The following ROCK1 variants were observed in gnomAD, a reference collection of about 807,000 sequenced individuals.
The protein encoded by ROCK1 is rho-associated protein kinase 1.
Under a neutral mutation model 196.8 loss-of-function variants are expected in ROCK1, and 36 were observed. The ratio of observed to expected loss-of-function variants is 0.18; its 90% CI spans 0.14 to 0.24. The LOEUF is 0.24. ROCK1 is among the 10% of genes least tolerant of loss of function. The probability of loss-of-function intolerance (pLI) is 1.00; values close to 1 mark genes in which losing one functional copy is unlikely to be tolerated. For missense variants in ROCK1, 920 were observed against 1,562.0 expected, an observed-to-expected ratio of 0.59 and a Z score of 6.93; for synonymous variants, 443 against 515.9, an observed-to-expected ratio of 0.86 and a Z score of 1.91.
At chr18:21,086,272 T>G (rs1323481547) in intron 1 of ROCK1, among the ~76,000 whole-genome samples, 4 of 151,924 alleles carry the variant, frequency 2.6e-5, no homozygotes, top group Non-Finnish European at 4.4e-5. Context: ...CCACCACACC[T>G]GGCTAATTTT....
intron 1 of ROCK1, among the ~76,000 whole-genome samples, chr18:21,089,214 C>T (rs560062234): frequency 5.7e-4 from 86 of 152,148 alleles, no homozygotes; most frequent in African/African-American, 2.0e-3. Flanking sequence ...CACGCCACCA[C>T]ATTCGGCTAA....
chr18:20,993,126 T>C (rs1201815154), intron 16 of ROCK1, among the ~76,000 whole-genome samples, 189 bp from the exon 17 acceptor site: 1 of 152,252 alleles, frequency 6.6e-6, no homozygotes, highest in Non-Finnish European at 1.5e-5. Flanking sequence ...TTGGATATAA[T>C]CTAGTGCATA....
intron 16 of ROCK1, among the ~76,000 whole-genome samples, chr18:21,002,519 CCTGA>C (rs1314715054): frequency 1.3e-5 from 2 of 152,050 alleles, no homozygotes; most frequent in Non-Finnish European, 2.9e-5. Flanking sequence ...AAGTATTTAA[CCTGA>C]CTTTCTTTTA....
At chr18:20,979,856 C>T (rs1426592320) in intron 22 of ROCK1, 54 bp downstream of exon 22, 1 of 1,488,568 alleles carries the variant, frequency 6.7e-7, no homozygotes, top group East Asian at 2.6e-5. Context: ...TAACTTAAAA[C>T]TTAAGAATGC....
At chr18:20,957,140 T>C (rs2035249989) in intron 29 of ROCK1, among the ~76,000 whole-genome samples, 1 of 152,210 alleles carries the variant, frequency 6.6e-6, no homozygotes, top group Non-Finnish European at 1.5e-5. Flanking sequence ...ATCTACTTTA[T>C]AACCCAGGAT....
At chr18:21,013,578 G>A (rs1322076551) in intron 13 of ROCK1, among the ~76,000 whole-genome samples, 1 of 152,226 alleles carries the variant, frequency 6.6e-6, no homozygotes, top group South Asian at 2.1e-4. Context: ...AGCTGGAAGT[G>A]TAAGTGTAGA....
rs1364493163 is a variant in ROCK1 at position 20,960,222 on chromosome 18, T to A, written c.3353-16A>T. On this transcript the variant is annotated splice_polypyrimidine_tract_variant and intron_variant, in intron 27 of 32. Transcript: ENST00000399799. ...ATTCTTGACTCTAGGAGAAAAAGAATATATGTATTAGTCAGTCTTAAATTG... is the reference window on the plus strand; with the variant it reads ...ATTCTTGACTCTAGGAGAAAAAGAAAATATGTATTAGTCAGTCTTAAATTG... The A allele has an allele frequency of 1.4e-6, 2 of 1,418,264 alleles. No homozygotes were observed. Among genetic ancestry groups the A allele is most frequent in the Non-Finnish European group, 2.0e-6 (2 of 1,001,836 alleles). 87.9% of individuals were successfully genotyped at this position (1,418,264 alleles called of 1,614,324 possible). A position where few individuals can be genotyped will look rare whatever the true frequency, so the allele number is the denominator to read the frequency against.
At position 20,959,875 on chromosome 18, in the gene ROCK1, C is replaced by T. The variant is rs941336344; in HGVS notation, c.3477G>A (p.Lys1159=). Reference sequence around the variant, plus strand: ...ATACCATAGATGGATTGGATTGCTCCTTATCTTGTTCGTCATTATAGAACA... The same window carrying T: ...ATACCATAGATGGATTGGATTGCTCTTTATCTTGTTCGTCATTATAGAACA... ...KILFYNDEQD[K]EQSNPSMVLD... Residue 1159 remains lysine (K), a synonymous_variant, in exon 29 of 33, where the codon AAG becomes AAA. Coordinates refer to ENST00000399799, the MANE Select transcript of ROCK1 (RefSeq NM_005406.3). 4 of 1,611,540 alleles carry T rather than the reference C, an allele frequency of 2.5e-6. No individual in the cohort carries two copies. Among genetic ancestry groups the T allele is most frequent in the Admixed American group, 3.3e-5 (2 of 59,786 alleles).
At chr18:20,993,053 A>C (rs1330254184) in intron 16 of ROCK1, 116 bp from the exon 17 acceptor site, 1 of 596,212 alleles carries the variant, frequency 1.7e-6, no homozygotes, top group Non-Finnish European at 2.9e-6. Context: ...TCCTGATCCG[A>C]TAAGATTTTA....
In ROCK1 at chr18:21,019,503, C is replaced by T. The variant is rs190966128; in HGVS notation, c.1361+648G>A. Among the ~76,000 whole-genome samples the T allele has an allele frequency of 8.5e-5, 13 of 152,132 alleles. No homozygotes were observed. The East Asian group carries it at 2.5e-3, about 29-fold the overall frequency. On this transcript the variant is annotated intron_variant, in intron 12 of 32. Coordinates refer to ENST00000399799, the MANE Select transcript of ROCK1 (RefSeq NM_005406.3). ...TTAGCATTACAGTTTTTTAAGAATA[C>T]AGACTGTTGGCCGGGTGCGGTGGCT...
intron 1 of ROCK1, among the ~76,000 whole-genome samples, chr18:21,096,293 C>CG (rs1190415319): frequency 6.6e-6 from 1 of 152,084 alleles, no homozygotes; most frequent in Admixed American, 6.5e-5. Flanking sequence ...TCTGCCCCCC[C>CG]GGGTTCAAGC....
chr18:21,049,896 A>T lies in ROCK1; in HGVS notation c.176-16T>A. 1 of 1,445,648 alleles carries T rather than the reference A, an allele frequency of 6.9e-7. No homozygotes were observed. Among genetic ancestry groups the T allele is most frequent in the Non-Finnish European group, 9.5e-7 (1 of 1,048,522 alleles). 89.6% of individuals were successfully genotyped at this position (1,445,648 alleles called of 1,614,324 possible). On this transcript the variant is annotated splice_polypyrimidine_tract_variant and intron_variant, in intron 2 of 32. Coordinates refer to ENST00000399799, the MANE Select transcript of ROCK1 (RefSeq NM_005406.3). ...GTGTCTTTATCTGTATGAAAAGAAA[A>T]GTTTATCATTTTAAATCACTAAAGC...
In ROCK1 at chr18:20,976,507, T is replaced by A. The variant is rs990116702; in HGVS notation, c.2654+3403A>T. 2.6e-5 allele frequency among the ~76,000 whole-genome samples: 4 copies of A among 152,282 alleles called. No homozygotes were observed. The Middle Eastern group carries it at 0.014, about 518-fold the overall frequency. On this transcript the variant is annotated intron_variant, in intron 22 of 32. Coordinates refer to ENST00000399799, the MANE Select transcript of ROCK1 (RefSeq NM_005406.3). The stretch of plus-strand genomic sequence containing the variant: ...GCCAGTGTTATCATGTGGTAACAAA[T>A]GGCTGGAACTGAGAAGGCGAGATCT...
In ROCK1 at chr18:21,045,775, C is replaced by T. The variant is rs57831597; in HGVS notation, c.415-308G>A. 6.5e-3 allele frequency among the ~76,000 whole-genome samples: 995 copies of T among 151,942 alleles called. 13 individuals carry two copies. The highest frequency in any genetic ancestry group is 0.023 in the African/African-American group (955 of 41,440). ...TAATATTTTCAGTAAATATACAAAT[C>T]TCCTAGGCAAAGAAATACTGTATTT... On this transcript the variant is annotated intron_variant, in intron 4 of 32. Transcript: ENST00000399799.
In ROCK1 at chr18:21,110,808, C is replaced by T. The variant is rs187932119; in HGVS notation, c.93+10G>A. On this transcript the variant is annotated intron_variant, in intron 1 of 32. Coordinates refer to ENST00000399799, the MANE Select transcript of ROCK1 (RefSeq NM_005406.3). ...ACCCCAGACAAGCAAAAGAGAACAG[C>T]GCTACTCACCAGCAAACAATCCGAA... The T allele has an allele frequency of 2.5e-6, 4 of 1,609,164 alleles. No homozygotes were observed. In the Admixed American group the frequency reaches 6.7e-5, roughly 27 times the overall value.
chr18:20,997,104 C>T (rs747837877), intron 16 of ROCK1, among the ~76,000 whole-genome samples: 2 of 151,954 alleles, frequency 1.3e-5, no homozygotes. Flanking sequence ...TACTTATTAA[C>T]AATAACAGTG....
intron 29 of ROCK1, chr18:20,955,608 T>G (rs2035234157): frequency 6.4e-6 from 1 of 157,254 alleles, no homozygotes; most frequent in Admixed American, 6.3e-5. Flanking sequence ...GCCTTTAATT[T>G]CAAGAAACAA....
intron 19 of ROCK1, among the ~76,000 whole-genome samples, chr18:20,985,987 T>C (rs1388371318): frequency 2.0e-5 from 3 of 151,996 alleles, no homozygotes; most frequent in East Asian, 3.9e-4. Context: ...GCCTCCTGAG[T>C]AGCTGGAACT....
chr18:20,985,107 A>C (rs1275854742), intron 19 of ROCK1, among the ~76,000 whole-genome samples: 1 of 152,138 alleles, frequency 6.6e-6, no homozygotes, highest in Non-Finnish European at 1.5e-5. Context: ...TCCAAAAAAA[A>C]AAAAGCCATT....
Sources: allele counts gnomAD v4.1 joint callset (sites outside exome capture counted in the v4.1 genomes callset), GRCh38; gene constraint gnomAD v4.1.1; transcripts MANE v1.5; gene names NCBI Gene and HGNC (gene_info 2026-07-23, HGNC 2026-07-21).